Variants in KIZ observed in about 807,000 individuals in gnomAD.
The protein encoded by KIZ is centrosomal protein kizuna.
In KIZ, 68 loss-of-function variants were observed where a neutral mutation model predicts 79.6. The ratio of observed to expected loss-of-function variants is 0.85; its 90% CI spans 0.70 to 1.05. The LOEUF is 1.05. Among genes scored for constraint, KIZ ranks in the 50% least tolerant of loss-of-function variants. The pLI, the probability that KIZ is intolerant of heterozygous loss-of-function variation, is 0.00. For missense variants in KIZ, 797 were observed against 800.4 expected, an observed-to-expected ratio of 1.00 and a Z score of 0.05; for synonymous variants, 280 against 281.8, an observed-to-expected ratio of 0.99 and a Z score of 0.06.
chr20:21,150,512 G>T lies in KIZ; in HGVS notation c.405+4858G>T, dbSNP rs550713388. Among the ~76,000 whole-genome samples, 7 of 152,322 alleles carry T rather than the reference G, an allele frequency of 4.6e-5. No homozygotes were observed. In the East Asian group the frequency reaches 1.3e-3, roughly 29 times the overall value. ...CGGTTCTGCCATTCTCAAAGTTATG[G>T]CTGTACTTGATTTAGACAGAGCCAT... On this transcript the variant is annotated intron_variant, in intron 4 of 12. Coordinates refer to ENST00000619189, the MANE Select transcript of KIZ (RefSeq NM_018474.6).
At chr20:21,161,343 C>G (rs558508852) in intron 4 of KIZ, among the ~76,000 whole-genome samples, 2 of 152,054 alleles carry the variant, frequency 1.3e-5, no homozygotes, top group African/African-American at 4.8e-5. Flanking sequence ...AAAACATATT[C>G]TATACTTTCT....
At chr20:21,134,966 C>T (rs920605906) in intron 2 of KIZ, among the ~76,000 whole-genome samples, 1 of 152,176 alleles carries the variant, frequency 6.6e-6, no homozygotes, top group East Asian at 1.9e-4. Context: ...CATGCCCGAC[C>T]CATCTTTCAG....
At chr20:21,147,861 T>C (rs964964950) in intron 4 of KIZ, among the ~76,000 whole-genome samples, 1 of 151,908 alleles carries the variant, frequency 6.6e-6, no homozygotes, top group Non-Finnish European at 1.5e-5. Context: ...ATGTGCAGGA[T>C]GCCAGTCAGT....
In KIZ at chr20:21,244,509, T is replaced by G. The variant is rs1250988492; in HGVS notation, c.1924+221T>G. ...GCCATGGACCACAGGGGCAGAGCATTGTAATTTGCAAGTATGAATTTGCAG... is the reference window on the plus strand; with the variant it reads ...GCCATGGACCACAGGGGCAGAGCATGGTAATTTGCAAGTATGAATTTGCAG... On this transcript the variant is annotated intron_variant, in intron 12 of 12. Coordinates refer to ENST00000619189, the MANE Select transcript of KIZ (RefSeq NM_018474.6). 3 of 543,392 alleles carry G rather than the reference T, an allele frequency of 5.5e-6. No homozygotes were observed. In the East Asian group the frequency reaches 9.2e-5, roughly 17 times the overall value. The allele number at this position is 543,392 out of a possible 1,614,324, so 33.7% of individuals were successfully genotyped here.
chr20:21,211,667 CTG>C (rs1434267503), intron 7 of KIZ, among the ~76,000 whole-genome samples: 3 of 152,180 alleles, frequency 2.0e-5, no homozygotes, highest in Non-Finnish European at 2.9e-5. Context: ...GAGCTTCTCT[CTG>C]TGTTAGTGTC....
intron 4 of KIZ, among the ~76,000 whole-genome samples, chr20:21,154,824 TG>T (rs2033294916): frequency 6.6e-6 from 1 of 152,242 alleles, no homozygotes; most frequent in Non-Finnish European, 1.5e-5. Flanking sequence ...CTCTGTTTCC[TG>T]TTGCTAAGCT....
At chr20:21,234,050 T>G (rs1378927006) in intron 11 of KIZ, among the ~76,000 whole-genome samples, 5 of 152,162 alleles carry the variant, frequency 3.3e-5, no homozygotes. Context: ...CAGATAATTT[T>G]CAGGGCCGAA....
intron 11 of KIZ, among the ~76,000 whole-genome samples, chr20:21,243,638 A>G (rs377263546): frequency 2.0e-5 from 3 of 152,230 alleles, no homozygotes; most frequent in East Asian, 1.9e-4. Flanking sequence ...CAGAGAAATC[A>G]TATCCCGTGG....
At chr20:21,225,857 T>G (rs537874284) in intron 9 of KIZ, among the ~76,000 whole-genome samples, 15 of 152,340 alleles carry the variant, frequency 9.8e-5, no homozygotes, top group African/African-American at 3.6e-4. Flanking sequence ...AAGTACACTC[T>G]TGCCTCCAGT....
chr20:21,128,941 A>G (rs2031662190), intron 1 of KIZ, among the ~76,000 whole-genome samples: 1 of 152,210 alleles, frequency 6.6e-6, no homozygotes, highest in African/African-American at 2.4e-5. Context: ...AAACTCAGCA[A>G]GATAAGGACC....
intron 4 of KIZ, chr20:21,148,927 G>C (rs2032980758): frequency 6.6e-6 from 1 of 152,204 alleles, no homozygotes; most frequent in Non-Finnish European, 1.5e-5. Flanking sequence ...GATCAGGTGG[G>C]AGAATGGTTA....
chr20:21,140,753 A>G lies in KIZ; in HGVS notation c.315+4201A>G, dbSNP rs563638029. ...CAGTGCTTTAGGAGGCTGAGGTGGGAGGATCACTTGAGGCCAGGAATTCGA... is the reference window on the plus strand; with the variant it reads ...CAGTGCTTTAGGAGGCTGAGGTGGGGGGATCACTTGAGGCCAGGAATTCGA... On this transcript the variant is annotated intron_variant, in intron 3 of 12. Coordinates refer to ENST00000619189, the MANE Select transcript of KIZ (RefSeq NM_018474.6). Among the ~76,000 whole-genome samples the G allele has an allele frequency of 1.1e-4, 16 of 152,232 alleles. 1 individual carries two copies. The highest frequency in any genetic ancestry group is 1.0e-3 in the Admixed American group (16 of 15,280).
intron 7 of KIZ, among the ~76,000 whole-genome samples, chr20:21,213,074 C>G (rs948203636): frequency 6.6e-6 from 1 of 152,190 alleles, no homozygotes; most frequent in Non-Finnish European, 1.5e-5. Flanking sequence ...ACTAGAACTC[C>G]TTAAATCCCC....
At chr20:21,244,676 C>T (rs1034921100) in intron 12 of KIZ, 7 of 178,588 alleles carry the variant, frequency 3.9e-5, no homozygotes, top group Non-Finnish European at 8.1e-5. Context: ...CTGGTTTCCT[C>T]ATACCCAGTT....
At chr20:21,236,085 T>C (rs1342379393) in intron 11 of KIZ, among the ~76,000 whole-genome samples, 1 of 152,252 alleles carries the variant, frequency 6.6e-6, no homozygotes, top group Non-Finnish European at 1.5e-5. Flanking sequence ...TATGTCACGT[T>C]TCTTATCACA....
intron 6 of KIZ, chr20:21,195,846 C>T (rs894254704): frequency 2.0e-5 from 3 of 152,734 alleles, no homozygotes; most frequent in Non-Finnish European, 2.9e-5. Flanking sequence ...GCACTGGCCC[C>T]AGCTCTCCAC....
chr20:21,229,764 T>C (rs1168551274), intron 10 of KIZ, among the ~76,000 whole-genome samples: 1 of 151,868 alleles, frequency 6.6e-6, no homozygotes, highest in Admixed American at 6.6e-5. Context: ...TTTGTAGAGG[T>C]AGGGTTTTGC....
intron 2 of KIZ, among the ~76,000 whole-genome samples, chr20:21,134,918 C>T (rs368535134): frequency 3.3e-5 from 5 of 152,172 alleles, no homozygotes; most frequent in Non-Finnish European, 5.9e-5. Context: ...CCACCCACCT[C>T]GGCCTCCCAA....
At chr20:21,216,180 A>G (rs143653278) in intron 9 of KIZ, among the ~76,000 whole-genome samples, 2 of 152,354 alleles carry the variant, frequency 1.3e-5, no homozygotes, top group African/African-American at 2.4e-5. Context: ...GTTTAGGTGG[A>G]ATCTGAACGA....
Sources: gnomAD v4.1 joint callset for allele counts (sites outside exome capture counted in the v4.1 genomes callset) on GRCh38, gnomAD v4.1.1 for gene constraint, MANE v1.5 for transcripts, NCBI Gene and HGNC (gene_info 2026-07-23, HGNC 2026-07-21) for gene names.